The following LYZL4 variants were observed in gnomAD, a reference collection of about 807,000 sequenced individuals.
LYZL4 encodes lysozyme like 4.
A neutral mutation model predicts 17.6 loss-of-function variants in LYZL4; 13 were observed. The ratio of observed to expected loss-of-function variants is 0.74; its 90% CI spans 0.48 to 1.18. LYZL4 has a LOEUF of 1.18. Ranked by LOEUF, LYZL4 falls within the 50% of genes most tolerant of loss-of-function variation. LYZL4 has a pLI of 0.00. For missense variants in LYZL4, 174 were observed against 188.2 expected (o/e 0.92, Z 0.44); for synonymous variants, 64 against 67.7 (o/e 0.95, Z 0.27).
At chr3:42,378,929 G>T in the LYZL4 span, among the ~76,000 whole-genome samples, 1 of 152,052 alleles carries the variant, frequency 6.6e-6, no homozygotes, top group African/African-American at 2.4e-5. Flanking sequence ...CCCAAAAATC[G>T]CACCTAGCAA....
chr3:42,401,973 T>C (rs1025248566), intron 4 of LYZL4, among the ~76,000 whole-genome samples: 3 of 151,864 alleles, frequency 2.0e-5, no homozygotes, highest in Admixed American at 2.0e-4. Context: ...CAGAGCCAAA[T>C]GTGAAAGATA....
Position 42,397,176 on chromosome 3 carries a change from C to T in LYZL4, c.*89G>A, listed in dbSNP as rs1698562465. ...TCTGGAACTCTTAAAGTGGTGAGAT[C>T]ATCAAAAGGATTGACTGAAGCAGCA... On this transcript the variant is annotated 3_prime_UTR_variant, in exon 5 of 5. Transcript: ENST00000287748. The T allele has an allele frequency of 3.3e-6, 3 of 905,068 alleles. No individual in the cohort carries two copies. The highest frequency in any genetic ancestry group is 2.2e-4 in the Middle Eastern group (1 of 4,548). The allele number at this position is 905,068 out of a possible 1,614,324, so 56.1% of individuals were successfully genotyped here.
chr3:42,396,462 A>G (rs1440473165), downstream of LYZL4, among the ~76,000 whole-genome samples: 1 of 152,238 alleles, frequency 6.6e-6, no homozygotes, highest in Non-Finnish European at 1.5e-5. Flanking sequence ...CTTGCTACTT[A>G]AAGTTGAAAC....
the LYZL4 span, among the ~76,000 whole-genome samples, chr3:42,369,791 C>T: frequency 7.9e-5 from 12 of 152,324 alleles, 1 homozygote; most frequent in South Asian, 1.9e-3. Context: ...TCTTGGGACC[C>T]TGGTCAGTTC....
At chr3:42,397,665 G>A (rs761141188) in intron 4 of LYZL4, among the ~76,000 whole-genome samples, 1 of 152,110 alleles carries the variant, frequency 6.6e-6, no homozygotes, top group Non-Finnish European at 1.5e-5. Context: ...TTGCTTCTCT[G>A]AAGTAAGCTT....
chr3:42,388,679 T>G, the LYZL4 span, among the ~76,000 whole-genome samples: 1 of 152,244 alleles, frequency 6.6e-6, no homozygotes, highest in African/African-American at 2.4e-5. Flanking sequence ...CATTCAGAAC[T>G]GCTAAGCTAG....
chr3:42,392,692 A>G (rs1698501450), downstream of LYZL4, among the ~76,000 whole-genome samples: 2 of 152,094 alleles, frequency 1.3e-5, no homozygotes, highest in South Asian at 4.1e-4. Flanking sequence ...AGGGCAGGAG[A>G]GAAGTGAGGA....
chr3:42,388,262 C>T, the LYZL4 span, among the ~76,000 whole-genome samples: 1 of 152,178 alleles, frequency 6.6e-6, no homozygotes, highest in Non-Finnish European at 1.5e-5. Flanking sequence ...TTCTGGAGTC[C>T]CCAGTCCAAG....
intron 3 of LYZL4, among the ~76,000 whole-genome samples, chr3:42,404,587 A>G (rs1329348045): frequency 6.6e-6 from 1 of 152,222 alleles, no homozygotes; most frequent in Non-Finnish European, 1.5e-5. Context: ...TCATCACAAT[A>G]CACAGTACCA....
chr3:42,402,797 C>T (rs1698679762), intron 4 of LYZL4, among the ~76,000 whole-genome samples: 1 of 152,116 alleles, frequency 6.6e-6, no homozygotes, highest in South Asian at 2.1e-4. Context: ...ACATATTCAC[C>T]AAAAGTTAAG....
At chr3:42,386,788 T>C in the LYZL4 span, among the ~76,000 whole-genome samples, 1 of 152,188 alleles carries the variant, frequency 6.6e-6, no homozygotes, top group Non-Finnish European at 1.5e-5. Flanking sequence ...CTCAGAGACA[T>C]GTATTAAAAT....
chr3:42,394,265 C>A (rs1022885195), downstream of LYZL4, among the ~76,000 whole-genome samples: 3 of 152,280 alleles, frequency 2.0e-5, no homozygotes, highest in East Asian at 5.8e-4. Flanking sequence ...CTCTTAAGTG[C>A]AGCATCTTAA....
the LYZL4 span, among the ~76,000 whole-genome samples, chr3:42,391,808 TG>T: frequency 6.6e-6 from 1 of 152,032 alleles, no homozygotes; most frequent in Non-Finnish European, 1.5e-5. Flanking sequence ...TATTACAATA[TG>T]TTTTTTTGAT....
chr3:42,404,145 A>C (rs1698707714), intron 3 of LYZL4, 21 bp from the exon 4 acceptor site: 1 of 1,518,764 alleles, frequency 6.6e-7, no homozygotes, highest in African/African-American at 1.4e-5. Context: ...AAGAAAATGG[A>C]AGATACCATG....
At chr3:42,403,426 A>C (rs962255613) in intron 4 of LYZL4, among the ~76,000 whole-genome samples, 3 of 151,836 alleles carry the variant, frequency 2.0e-5, no homozygotes, top group African/African-American at 7.3e-5. Context: ...CACCCGACTT[A>C]TTTTATTTTA....
chr3:42,385,189 A>T, the LYZL4 span, among the ~76,000 whole-genome samples: 15 of 152,180 alleles, frequency 9.9e-5, no homozygotes, highest in Non-Finnish European at 2.1e-4. Flanking sequence ...TTTTCAAAAA[A>T]AAAAAATAAA....
At chr3:42,381,135 G>C in the LYZL4 span, among the ~76,000 whole-genome samples, 2 of 152,218 alleles carry the variant, frequency 1.3e-5, no homozygotes, top group East Asian at 3.9e-4. Flanking sequence ...GGGAGAGAAA[G>C]ATAAATGCCT....
At chr3:42,370,440 T>C in the LYZL4 span, among the ~76,000 whole-genome samples, 4 of 152,042 alleles carry the variant, frequency 2.6e-5, no homozygotes, top group African/African-American at 9.7e-5. Flanking sequence ...GTTATGAAAA[T>C]AAAAGTCCCA....
intron 4 of LYZL4, among the ~76,000 whole-genome samples, chr3:42,400,946 C>T (rs887024972): frequency 2.0e-5 from 3 of 152,174 alleles, no homozygotes; most frequent in Admixed American, 6.5e-5. Flanking sequence ...AAGACACTCA[C>T]ACCAGCAAAA....
Sources: allele counts gnomAD v4.1 joint callset (sites outside exome capture counted in the v4.1 genomes callset), GRCh38; gene constraint gnomAD v4.1.1; transcripts MANE v1.5; gene names NCBI Gene and HGNC (gene_info 2026-07-23, HGNC 2026-07-21).